Variants in PITPNC1 observed in about 807,000 individuals in gnomAD.
PITPNC1 encodes the protein phosphatidylinositol transfer protein cytoplasmic 1.
A neutral mutation model predicts 44.7 loss-of-function variants in PITPNC1; 18 were observed. The observed-to-expected ratio is 0.40, with a 90% confidence interval of 0.28 to 0.60. The LOEUF (loss-of-function observed/expected upper bound fraction) is 0.60. Ranked by LOEUF, PITPNC1 falls within the 20% of genes least tolerant of loss-of-function variation. The pLI is 0.39. For synonymous variants in PITPNC1, 141 were observed against 149.6 expected (o/e 0.94, Z 0.42); for missense variants, 290 against 418.4 (o/e 0.69, Z 2.68).
intron 1 of PITPNC1, among the ~76,000 whole-genome samples, chr17:67,523,495 T>C (rs1018545127): frequency 2.7e-4 from 5 of 18,318 alleles, no homozygotes; most frequent in African/African-American, 1.7e-3. Flanking sequence ...ATTTTTAAGT[T>C]TTTTTTTTTT....
intron 1 of PITPNC1, among the ~76,000 whole-genome samples, chr17:67,435,490 C>A (rs898443519): frequency 6.6e-6 from 1 of 152,218 alleles, no homozygotes; most frequent in African/African-American, 2.4e-5. Flanking sequence ...ATGAGACAAA[C>A]TCCTGCCCCC....
rs142460953 is a variant in PITPNC1 at position 67,592,064 on chromosome 17, G to T, written c.366+13807G>T. 9.2e-5 allele frequency among the ~76,000 whole-genome samples: 14 copies of T among 152,110 alleles called. No individual in the cohort carries two copies. In the East Asian group the frequency reaches 1.7e-3, roughly 19 times the overall value. On this transcript the variant is annotated intron_variant, in intron 5 of 8. Transcript: ENST00000581322. ...AAGAGCAAAAAATGGTATAAGGAAT[G>T]TAACTAAAGATAAAAGAATTTTGTT...
intron 1 of PITPNC1, among the ~76,000 whole-genome samples, chr17:67,494,183 C>T (rs867395128): frequency 4.8e-4 from 19 of 39,476 alleles, no homozygotes; most frequent in South Asian, 8.7e-4. Flanking sequence ...TTCTTTCTTT[C>T]TTTTTCTTTC....
At chr17:67,675,623 C>A in intron 8 of PITPNC1, 81 bp downstream of exon 8, 1 of 906,918 alleles carries the variant, frequency 1.1e-6, no homozygotes, top group South Asian at 1.3e-5. Flanking sequence ...TCAACTGCTA[C>A]CTAGAAGGAC....
chr17:67,440,273 G>A (rs2038994318), intron 1 of PITPNC1, among the ~76,000 whole-genome samples: 1 of 152,118 alleles, frequency 6.6e-6, no homozygotes, highest in African/African-American at 2.4e-5. Context: ...CCCCGCACTG[G>A]CAAACGCAAC....
At chr17:67,448,239 G>A (rs552427449) in intron 1 of PITPNC1, among the ~76,000 whole-genome samples, 12 of 152,292 alleles carry the variant, frequency 7.9e-5, no homozygotes, top group Admixed American at 5.9e-4. Context: ...GAGCCACTGC[G>A]CCCGGCTGCA....
intron 1 of PITPNC1, among the ~76,000 whole-genome samples, chr17:67,473,857 G>A (rs1018741151): frequency 2.0e-5 from 3 of 152,158 alleles, no homozygotes; most frequent in Admixed American, 1.3e-4. Context: ...TATTATTACT[G>A]TAATGTTCTC....
At chr17:67,481,049 A>G (rs2039694648) in intron 1 of PITPNC1, among the ~76,000 whole-genome samples, 1 of 152,244 alleles carries the variant, frequency 6.6e-6, no homozygotes, top group African/African-American at 2.4e-5. Context: ...TCTACAAAAA[A>G]TACAAAAATT....
At chr17:67,494,185 T>TCC (rs1555657748) in intron 1 of PITPNC1, among the ~76,000 whole-genome samples, 5 of 102,494 alleles carry the variant, frequency 4.9e-5, no homozygotes, top group African/African-American at 1.5e-4. Context: ...CTTTCTTTCT[T>TCC]TTTCTTTCTT....
chr17:67,511,690 G>T (rs1352207683), intron 1 of PITPNC1, among the ~76,000 whole-genome samples: 1 of 152,084 alleles, frequency 6.6e-6, no homozygotes, highest in East Asian at 1.9e-4. Context: ...TGTATTTTTA[G>T]TAGAGATGAG....
intron 1 of PITPNC1, among the ~76,000 whole-genome samples, chr17:67,521,249 C>T (rs1412141309): frequency 6.6e-6 from 1 of 152,218 alleles, no homozygotes; most frequent in South Asian, 2.1e-4. Flanking sequence ...TAAGCATCAG[C>T]GTCCAATACA....
intron 6 of PITPNC1, among the ~76,000 whole-genome samples, chr17:67,636,467 G>A (rs951422935): frequency 2.0e-5 from 3 of 152,066 alleles, no homozygotes; most frequent in South Asian, 2.1e-4. Context: ...CGGGAGAAGG[G>A]GCCCCATAGG....
Position 67,490,930 on chromosome 17 carries a change from A to G in PITPNC1, c.49-41872A>G, listed in dbSNP as rs572692513. On this transcript the variant is annotated intron_variant, in intron 1 of 8. Transcript: ENST00000581322. ...CTTACTTCTCTCCTCCTCTGATTCT[A>G]TTCAAGGAATGTGAATGGCTGAGGT... Among the ~76,000 whole-genome samples, 7 of 152,318 alleles carry G rather than the reference A, an allele frequency of 4.6e-5. No homozygotes were observed. The East Asian group carries it at 1.2e-3, about 25-fold the overall frequency.
At chr17:67,420,260 A>G (rs1419007442) in intron 1 of PITPNC1, among the ~76,000 whole-genome samples, 2 of 152,178 alleles carry the variant, frequency 1.3e-5, no homozygotes, top group Non-Finnish European at 2.9e-5. Context: ...GGGTACAGCA[A>G]GAAGCACTGG....
At chr17:67,429,132 C>T (rs1289825733) in intron 1 of PITPNC1, among the ~76,000 whole-genome samples, 7 of 152,116 alleles carry the variant, frequency 4.6e-5, no homozygotes, top group Non-Finnish European at 8.8e-5. Flanking sequence ...TGAGCCACCA[C>T]GCCCGGCTTT....
intron 6 of PITPNC1, among the ~76,000 whole-genome samples, chr17:67,653,107 C>G (rs1429208998): frequency 1.3e-5 from 2 of 152,062 alleles, no homozygotes; most frequent in African/African-American, 2.4e-5. Flanking sequence ...CATGGTGAAA[C>G]CCCATCTCTA....
At chr17:67,563,445 A>T (rs759788481) in intron 4 of PITPNC1, among the ~76,000 whole-genome samples, 37 of 152,202 alleles carry the variant, frequency 2.4e-4, no homozygotes, top group Non-Finnish European at 4.6e-4. Flanking sequence ...TCTTCCATTT[A>T]ACTTTCTTGA....
intron 5 of PITPNC1, among the ~76,000 whole-genome samples, chr17:67,631,657 A>AAAAATATATATATATAT (rs1555574522): frequency 9.1e-4 from 7 of 7,672 alleles, no homozygotes; most frequent in African/African-American, 1.8e-3. Flanking sequence ...AAAAAAAAAA[A>AAAAATATATATATATAT]ATATATATAT....
intron 1 of PITPNC1, among the ~76,000 whole-genome samples, chr17:67,528,552 G>A (rs1403471088): frequency 6.6e-6 from 1 of 152,122 alleles, no homozygotes; most frequent in African/African-American, 2.4e-5. Context: ...GGTGGTCAGG[G>A]ATATGGTATT....
Sources: gnomAD v4.1 joint callset for allele counts (sites outside exome capture counted in the v4.1 genomes callset) on GRCh38, gnomAD v4.1.1 for gene constraint, MANE v1.5 for transcripts, NCBI Gene and HGNC (gene_info 2026-07-23, HGNC 2026-07-21) for gene names.